ADGRB3: variants seen among roughly 807,000 people sequenced by gnomAD.
ADGRB3 encodes adhesion G protein-coupled receptor B3, also known as brain-specific angiogenesis inhibitor 3.
In ADGRB3, 37 loss-of-function variants were observed where a neutral mutation model predicts 193.4. The observed-to-expected ratio is 0.19, with a 90% CI of 0.15 to 0.25. The LOEUF (loss-of-function observed/expected upper bound fraction) is 0.25, where lower values mean the gene tolerates loss of function less well. Ranked by LOEUF, ADGRB3 falls within the 10% of genes least tolerant of loss-of-function variation. The pLI is 1.00. For synonymous variants in ADGRB3, 690 were observed against 644.2 expected (o/e 1.07, Z -1.08); for missense variants, 1,637 against 1,852.9 (o/e 0.88, Z 2.14).
At chr6:69,243,009 G>A (rs1205643129) in intron 20 of ADGRB3, among the ~76,000 whole-genome samples, 2 of 151,816 alleles carry the variant, frequency 1.3e-5, no homozygotes, top group Non-Finnish European at 2.9e-5. Flanking sequence ...TTTTCTTAAT[G>A]ACAAAAGCAT....
At chr6:69,162,144 A>G (rs1775010248) in intron 17 of ADGRB3, among the ~76,000 whole-genome samples, 1 of 152,102 alleles carries the variant, frequency 6.6e-6, no homozygotes, top group Non-Finnish European at 1.5e-5. Context: ...ACATGCTATA[A>G]AAAATTTTGA....
At chr6:69,076,178 C>A in intron 17 of ADGRB3, 140 bp downstream of exon 17, 1 of 697,836 alleles carries the variant, frequency 1.4e-6, no homozygotes, top group Non-Finnish European at 2.5e-6. Context: ...CTTTTTGAAT[C>A]TTCAGGACAG....
At chr6:69,362,810 G>A (rs77914601) in intron 29 of ADGRB3, among the ~76,000 whole-genome samples, 5,631 of 152,006 alleles carry the variant, frequency 0.037, 176 homozygotes, top group Admixed American at 0.094. Flanking sequence ...TTTGTAACTT[G>A]CATATCCCAG....
intron 3 of ADGRB3, among the ~76,000 whole-genome samples, chr6:68,727,224 A>C (rs1424177819): frequency 6.6e-6 from 1 of 151,590 alleles, no homozygotes; most frequent in Non-Finnish European, 1.5e-5. Flanking sequence ...TGAAATTGTG[A>C]AAACAAAGGC....
chr6:69,259,892 T>C (rs1393026446), intron 20 of ADGRB3, among the ~76,000 whole-genome samples: 1 of 152,146 alleles, frequency 6.6e-6, no homozygotes, highest in Non-Finnish European at 1.5e-5. Flanking sequence ...AAGCTTTCCT[T>C]GTAGGTTATA....
At chr6:69,313,980 T>C (rs1194393311) in intron 20 of ADGRB3, among the ~76,000 whole-genome samples, 1 of 151,796 alleles carries the variant, frequency 6.6e-6, no homozygotes, top group Non-Finnish European at 1.5e-5. Context: ...TTTTGAAGTT[T>C]CTAAATTATT....
At chr6:69,241,513 A>G (rs1051522118) in intron 20 of ADGRB3, among the ~76,000 whole-genome samples, 1 of 151,728 alleles carries the variant, frequency 6.6e-6, no homozygotes, top group Admixed American at 6.6e-5. Flanking sequence ...AATGCCAGCT[A>G]TATTCAGAAA....
intron 5 of ADGRB3, among the ~76,000 whole-genome samples, chr6:68,941,192 A>G (rs1233959253): frequency 1.3e-5 from 2 of 152,194 alleles, no homozygotes; most frequent in Non-Finnish European, 2.9e-5. Flanking sequence ...TAAAAAATAT[A>G]TAACAATTTG....
intron 3 of ADGRB3, among the ~76,000 whole-genome samples, chr6:68,712,322 C>T (rs1207843990): frequency 6.6e-6 from 1 of 151,884 alleles, no homozygotes; most frequent in Non-Finnish European, 1.5e-5. Context: ...TGGTCTTGAT[C>T]GACACCACAG....
intron 17 of ADGRB3, among the ~76,000 whole-genome samples, chr6:69,104,160 G>T: frequency 6.6e-6 from 1 of 151,208 alleles, no homozygotes; most frequent in East Asian, 1.9e-4. Flanking sequence ...AGCATTAGGT[G>T]TATCTCCCAA....
intron 17 of ADGRB3, among the ~76,000 whole-genome samples, chr6:69,206,017 T>G (rs374622815): frequency 6.2e-4 from 86 of 138,050 alleles, no homozygotes; most frequent in Non-Finnish European, 8.7e-4. Flanking sequence ...AAAATATATA[T>G]AGAGAGAGAA....
At position 68,807,235 on chromosome 6, in the gene ADGRB3, C is replaced by CTTTTTTTTTTTTTTT. The variant is rs771342538; in HGVS notation, c.758-123318_758-123304dup. On this transcript the variant is annotated intron_variant, in intron 3 of 31. Coordinates refer to ENST00000370598, the MANE Select transcript of ADGRB3 (RefSeq NM_001704.3). The stretch of plus-strand genomic sequence containing the variant: ...TTTTTCTTTTTCTTTTTTCTTTTTT[C>CTTTTTTTTTTTTTTT]TTTTTTTTTTTTTTTTTTTTGAGAC... Among the ~76,000 whole-genome samples, 543 of 100,122 alleles carry CTTTTTTTTTTTTTTT rather than the reference C, an allele frequency of 5.4e-3. 1 individual carries two copies. Among genetic ancestry groups the CTTTTTTTTTTTTTTT allele is most frequent in the East Asian group, 7.1e-3 (24 of 3,362 alleles). 65.7% of individuals were successfully genotyped at this position (100,122 alleles called of 152,430 possible). A position where few individuals can be genotyped will look rare whatever the true frequency, so the allele number is the denominator to read the frequency against.
chr6:68,935,689 T>A (rs1314857122), intron 4 of ADGRB3, among the ~76,000 whole-genome samples: 2 of 152,168 alleles, frequency 1.3e-5, no homozygotes, highest in Non-Finnish European at 1.5e-5. Flanking sequence ...TGTATTTCGT[T>A]GGTCATAGAA....
At chr6:69,093,450 TAGAC>T (rs1166331253) in intron 17 of ADGRB3, among the ~76,000 whole-genome samples, 4 of 150,312 alleles carry the variant, frequency 2.7e-5, no homozygotes, top group Non-Finnish European at 5.9e-5. Context: ...AAGGAGGAGA[TAGAC>T]AGCCTAGGTT....
intron 20 of ADGRB3, among the ~76,000 whole-genome samples, chr6:69,264,800 A>G (rs1041767671): frequency 6.6e-6 from 1 of 151,954 alleles, no homozygotes; most frequent in African/African-American, 2.4e-5. Context: ...AAAAAAGTGT[A>G]TCTATTTGTC....
At chr6:69,340,550 T>C (rs1182346672) in intron 26 of ADGRB3, among the ~76,000 whole-genome samples, 3 of 152,218 alleles carry the variant, frequency 2.0e-5, no homozygotes, top group Non-Finnish European at 2.9e-5. Flanking sequence ...TGCAGTGATG[T>C]GCAGAGATAA....
intron 3 of ADGRB3, among the ~76,000 whole-genome samples, chr6:68,812,161 ATT>A (rs933588808): frequency 1.5e-4 from 23 of 152,162 alleles, no homozygotes; most frequent in Non-Finnish European, 2.8e-4. Context: ...GATTAACCTG[ATT>A]ACTGCAGAGG....
At chr6:68,637,026 C>A (rs1767976427) in intron 1 of ADGRB3, among the ~76,000 whole-genome samples, 1 of 147,802 alleles carries the variant, frequency 6.8e-6, no homozygotes, top group African/African-American at 2.5e-5. Flanking sequence ...TTTTTTTAAC[C>A]TTTAAATGCT....
At chr6:69,258,612 A>G (rs927142608) in intron 20 of ADGRB3, among the ~76,000 whole-genome samples, 4 of 152,262 alleles carry the variant, frequency 2.6e-5, no homozygotes, top group Non-Finnish European at 5.9e-5. Context: ...GCTTCAAAGT[A>G]GGAATTATTC....
Sources: allele counts gnomAD v4.1 joint callset (sites outside exome capture counted in the v4.1 genomes callset), GRCh38; gene constraint gnomAD v4.1.1; transcripts MANE v1.5; gene names NCBI Gene and HGNC (gene_info 2026-07-23, HGNC 2026-07-21).